PLXDC1: variants seen among roughly 807,000 people sequenced by gnomAD.
PLXDC1 encodes plexin domain containing 1, also known as plexin domain-containing protein 1.
A neutral mutation model predicts 61.3 loss-of-function variants in PLXDC1; 39 were observed. That is an observed-to-expected ratio of 0.64 (90% CI 0.49 to 0.83). PLXDC1 has a LOEUF of 0.83. Ranked by LOEUF, PLXDC1 falls within the 40% of genes least tolerant of loss-of-function variation. The pLI is 0.00. For missense variants in PLXDC1, 596 were observed against 666.5 expected, an observed-to-expected ratio of 0.89 and a Z score of 1.17; for synonymous variants, 212 against 254.5, an observed-to-expected ratio of 0.83 and a Z score of 1.59.
intron 7 of PLXDC1, among the ~76,000 whole-genome samples, chr17:39,093,919 G>A (rs1910049393): frequency 6.6e-6 from 1 of 151,980 alleles, no homozygotes; most frequent in Non-Finnish European, 1.5e-5. Context: ...GGTGGCGAGG[G>A]GTTCACAGAG....
chr17:39,100,358 C>A (rs1024890940), intron 7 of PLXDC1, among the ~76,000 whole-genome samples: 2 of 152,164 alleles, frequency 1.3e-5, no homozygotes, highest in East Asian at 3.9e-4. Context: ...CGGGTTCAAG[C>A]GATTCTCCTG....
At chr17:39,124,493 T>G (rs1911259418) in intron 2 of PLXDC1, among the ~76,000 whole-genome samples, 1 of 152,176 alleles carries the variant, frequency 6.6e-6, no homozygotes, top group African/African-American at 2.4e-5. Context: ...CTAGGGAGGC[T>G]GAGGTAGGAG....
At chr17:39,152,366 G>A (rs1235500172), upstream of PLXDC1, 5 of 498,482 alleles carry the variant, frequency 1.0e-5, no homozygotes, top group Non-Finnish European at 1.6e-5. Context: ...TTCAGAGCCA[G>A]CCCCAGACGA....
rs775556374 is a variant in PLXDC1, at chr17:39,087,594, G to T, written c.907+13C>A. On this transcript the variant is annotated intron_variant, in intron 8 of 13. Transcript: ENST00000315392. ...AGAGCTCTTTCTGGGATGGCGGAAT[G>T]ACCCCTACTCACTCGGCAATGGGGT... 17 of 1,598,994 alleles carry T rather than the reference G, an allele frequency of 1.1e-5. No homozygotes were observed. Among genetic ancestry groups the T allele is most frequent in the Non-Finnish European group, 1.5e-5 (17 of 1,166,402 alleles).
intron 3 of PLXDC1, 100 bp downstream of exon 3, chr17:39,109,148 C>A: frequency 6.8e-7 from 1 of 1,476,696 alleles, no homozygotes; most frequent in South Asian, 1.3e-5. Context: ...CCTCCCAGGT[C>A]ACAGACCTCG....
At chr17:39,112,225 A>C (rs3025160) in intron 2 of PLXDC1, 98,148 of 151,894 alleles carry the variant, frequency 0.65, 31,915 homozygotes, top group Admixed American at 0.73. Context: ...AAGCAAAAAA[A>C]ATATAGGGGG....
At chr17:39,070,849 G>A (rs894354773) in intron 12 of PLXDC1, among the ~76,000 whole-genome samples, 3 of 152,256 alleles carry the variant, frequency 2.0e-5, no homozygotes, top group South Asian at 4.1e-4. Flanking sequence ...ATGGTGGCAC[G>A]CGCCTGTAGT....
At chr17:39,119,375 A>G (rs1911087677) in intron 2 of PLXDC1, among the ~76,000 whole-genome samples, 1 of 152,172 alleles carries the variant, frequency 6.6e-6, no homozygotes, top group Non-Finnish European at 1.5e-5. Context: ...AATTACCCTG[A>G]TCTGATCACT....
At chr17:39,147,630 G>T (rs947002755) in intron 1 of PLXDC1, among the ~76,000 whole-genome samples, 3 of 151,538 alleles carry the variant, frequency 2.0e-5, no homozygotes, top group African/African-American at 7.3e-5. Context: ...CAAAGGAAGT[G>T]CAGGGAGGGA....
chr17:39,149,157 T>C (rs16507), intron 1 of PLXDC1, among the ~76,000 whole-genome samples: 3,351 of 152,208 alleles, frequency 0.022, 121 homozygotes, highest in African/African-American at 0.076. Context: ...GCTGTTCTAA[T>C]GATAGATGAG....
At chr17:39,112,309 A>G (rs1598202299) in intron 2 of PLXDC1, 1 of 152,092 alleles carries the variant, frequency 6.6e-6, no homozygotes, top group South Asian at 2.1e-4. Context: ...ACCTGGGACC[A>G]CCTGCCACGG....
chr17:39,072,461 G>T lies in PLXDC1; in HGVS notation c.1211C>A (p.Ala404Glu). ...TEDDTKLNPY[A>E]GGDGLQNNLS... is the part of the protein sequence containing the mutation. ...AGTTCTGTACTCACCGTCTCCTCCT[G>T]CATAGGGATTCAACTTGGTGTCATC... Residue 404 changes from alanine (A) to glutamate (E), a missense_variant, in exon 12 of 14, where the codon GCA becomes GAA. Ala to Glu is a moderately radical substitution (Grantham distance 107). Transcript: ENST00000315392. The T allele has an allele frequency of 6.4e-7, 1 of 1,554,332 alleles. No homozygotes were observed. The highest frequency in any genetic ancestry group is 8.7e-7 in the Non-Finnish European group (1 of 1,145,418).
intron 12 of PLXDC1, 136 bp downstream of exon 12, chr17:39,072,314 A>G (rs976654701): frequency 1.2e-5 from 8 of 685,550 alleles, no homozygotes; most frequent in African/African-American, 1.8e-5. Context: ...ACCCAGCAGG[A>G]GGTCTGGGAT....
chr17:39,103,551 AAT>A (rs918941362), intron 7 of PLXDC1, among the ~76,000 whole-genome samples: 20 of 152,140 alleles, frequency 1.3e-4, no homozygotes, highest in Non-Finnish European at 2.5e-4. Context: ...AATAATAATG[AAT>A]AGTAATTCAT....
In PLXDC1 at chr17:39,063,466, C is replaced by G; in HGVS notation, c.*4374G>C. On this transcript the variant is annotated 3_prime_UTR_variant, in exon 14 of 14. Transcript: ENST00000315392. Reference sequence around the variant, plus strand: ...GTGCAGGAGGTTGAGGAAAGCACCTCTGATGAGCAGATAGCTGGAGGCTGT... The same window carrying G: ...GTGCAGGAGGTTGAGGAAAGCACCTGTGATGAGCAGATAGCTGGAGGCTGT... 1 of 702,960 alleles carries G rather than the reference C, an allele frequency of 1.4e-6. No homozygotes were observed. Among genetic ancestry groups the G allele is most frequent in the South Asian group, 1.5e-5 (1 of 67,586 alleles). 43.5% of individuals were successfully genotyped at this position (702,960 alleles called of 1,614,324 possible). A position where few individuals can be genotyped will look rare whatever the true frequency, so the allele number is the denominator to read the frequency against.
At chr17:39,079,240 C>T in intron 9 of PLXDC1, 76 bp from the exon 10 acceptor site, 1 of 1,278,866 alleles carries the variant, frequency 7.8e-7, no homozygotes, top group Admixed American at 1.7e-5. Flanking sequence ...TCAGTAACAG[C>T]TCTCTGCTGA....
At chr17:39,109,632 C>T (rs564767537) in intron 2 of PLXDC1, among the ~76,000 whole-genome samples, 8 of 152,312 alleles carry the variant, frequency 5.3e-5, no homozygotes, top group African/African-American at 1.7e-4. Context: ...GCCAAATCCA[C>T]GCCTGCTGCC....
rs1372340055 is a variant in PLXDC1, at chr17:39,136,545, G to A, written c.255+3109C>T. On this transcript the variant is annotated intron_variant, in intron 2 of 13. Coordinates refer to ENST00000315392, the MANE Select transcript of PLXDC1 (RefSeq NM_020405.5). ...ATTACAGGCGTGAGCCACCGTGCCC[G>A]GCCCAAAGTTTTAAAGAAATACAGG... 2.0e-5 allele frequency among the ~76,000 whole-genome samples: 3 copies of A among 151,832 alleles called. No homozygotes were observed. The East Asian group carries it at 5.8e-4, about 29-fold the overall frequency.
intron 10 of PLXDC1, 53 bp from the exon 11 acceptor site, chr17:39,078,101 A>G (rs1598185583): frequency 6.7e-7 from 1 of 1,484,656 alleles, no homozygotes; most frequent in Non-Finnish European, 9.0e-7. Flanking sequence ...CTTTCCCTTC[A>G]TCCTGAAAGC....
Sources: gnomAD v4.1 joint callset for allele counts (sites outside exome capture counted in the v4.1 genomes callset) on GRCh38, gnomAD v4.1.1 for gene constraint, MANE v1.5 for transcripts, NCBI Gene and HGNC (gene_info 2026-07-23, HGNC 2026-07-21) for gene names.